The following GPR158 variants were observed in gnomAD, a reference collection of about 807,000 sequenced individuals.
The protein encoded by GPR158 is G protein-coupled receptor 158, also known as metabotropic glycine receptor.
In GPR158, 30 loss-of-function variants were observed where a neutral mutation model predicts 78.2. That is an observed-to-expected ratio of 0.38 (90% confidence interval 0.29 to 0.52). The LOEUF is 0.52. Ranked by LOEUF, GPR158 falls within the 20% of genes least tolerant of loss-of-function variation. The pLI is 0.83. For missense variants in GPR158, 1,463 were observed against 1,523.5 expected, an observed-to-expected ratio of 0.96 and a Z score of 0.66; for synonymous variants, 581 against 591.1, an observed-to-expected ratio of 0.98 and a Z score of 0.25.
chr10:25,450,100 T>G (rs907883376), intron 4 of GPR158, among the ~76,000 whole-genome samples: 1 of 151,896 alleles, frequency 6.6e-6, no homozygotes. Flanking sequence ...CCACCTTCAT[T>G]GTGTGAAAAG....
At chr10:25,218,783 AC>A in intron 1 of GPR158, among the ~76,000 whole-genome samples, 1 of 152,128 alleles carries the variant, frequency 6.6e-6, no homozygotes, top group East Asian at 1.9e-4. Context: ...TATCCTGACC[AC>A]CCTTTAAAAA....
At chr10:25,356,148 C>G (rs552309562) in intron 2 of GPR158, among the ~76,000 whole-genome samples, 1 of 152,036 alleles carries the variant, frequency 6.6e-6, no homozygotes. Context: ...ATTTTCTTGA[C>G]ATTTGGTGCC....
At chr10:25,234,723 G>T (rs1205694026) in intron 2 of GPR158, among the ~76,000 whole-genome samples, 1 of 152,236 alleles carries the variant, frequency 6.6e-6, no homozygotes, top group Non-Finnish European at 1.5e-5. Context: ...TTTAGTATTT[G>T]GTTACCAGTT....
At chr10:25,390,833 A>G (rs1834285740) in intron 2 of GPR158, among the ~76,000 whole-genome samples, 1 of 152,200 alleles carries the variant, frequency 6.6e-6, no homozygotes, top group Non-Finnish European at 1.5e-5. Context: ...AATGGTGAAA[A>G]ATGTCTGTAG....
intron 7 of GPR158, among the ~76,000 whole-genome samples, chr10:25,576,345 A>ACCCATTCC (rs1179989037): frequency 3.3e-5 from 5 of 151,968 alleles, no homozygotes; most frequent in Admixed American, 2.6e-4. Context: ...TCTGATCACA[A>ACCCATTCC]CCCATTCCTA....
At chr10:25,342,205 T>TA (rs1855312796) in intron 2 of GPR158, among the ~76,000 whole-genome samples, 1 of 151,838 alleles carries the variant, frequency 6.6e-6, no homozygotes, top group South Asian at 2.1e-4. Context: ...GAAGTATGTG[T>TA]GCTATATCTG....
At chr10:25,586,528 G>A (rs2130745311) in intron 7 of GPR158, among the ~76,000 whole-genome samples, 1 of 150,684 alleles carries the variant, frequency 6.6e-6, no homozygotes, top group Middle Eastern at 3.6e-3. Flanking sequence ...TCAGCCTCCT[G>A]AGTAGCTGGG....
At chr10:25,485,097 A>G (rs1835716492) in intron 5 of GPR158, among the ~76,000 whole-genome samples, 1 of 152,002 alleles carries the variant, frequency 6.6e-6, no homozygotes, top group Non-Finnish European at 1.5e-5. Context: ...TTGAAATATA[A>G]TTAAGAAAAT....
At chr10:25,225,269 T>C (rs1267098783) in intron 2 of GPR158, among the ~76,000 whole-genome samples, 2 of 150,850 alleles carry the variant, frequency 1.3e-5, no homozygotes, top group African/African-American at 4.9e-5. Context: ...TCAGAGAATC[T>C]TTATGGGGGA....
rs1262309705 is a variant in GPR158, at chr10:25,601,696, A to T, written c.*2422A>T. 1 of 152,610 alleles carries T rather than the reference A, an allele frequency of 6.6e-6. No homozygotes were observed. The highest frequency in any genetic ancestry group is 1.5e-5 in the Non-Finnish European group (1 of 68,034). The allele number at this position is 152,610 out of a possible 1,614,324, so 9.5% of individuals were successfully genotyped here. A position where few individuals can be genotyped will look rare whatever the true frequency, so the allele number is the denominator to read the frequency against. ...TCAACAAGAGAAGTTGAAATTTACA[A>T]GTCAGGAGGTTATTTTTCCAGATTG... On this transcript the variant is annotated 3_prime_UTR_variant, in exon 11 of 11. Transcript: ENST00000376351.
At chr10:25,572,612 T>C in intron 6 of GPR158, 37 bp from the exon 7 acceptor site, 13 of 1,247,786 alleles carry the variant, frequency 1.0e-5, no homozygotes, top group Non-Finnish European at 1.4e-5. Flanking sequence ...TTCTGAATGT[T>C]AGGTTTGCTT....
chr10:25,350,444 C>A (rs572631022), intron 2 of GPR158, among the ~76,000 whole-genome samples: 5 of 151,946 alleles, frequency 3.3e-5, no homozygotes, highest in African/African-American at 1.2e-4. Flanking sequence ...TGCTATCTTT[C>A]TTTCACTTCT....
intron 4 of GPR158, among the ~76,000 whole-genome samples, chr10:25,443,362 C>G (rs1246539680): frequency 6.6e-6 from 1 of 151,960 alleles, no homozygotes; most frequent in Non-Finnish European, 1.5e-5. Context: ...CAAGACCAGC[C>G]TGGCCAATTT....
intron 1 of GPR158, among the ~76,000 whole-genome samples, chr10:25,179,296 T>G (rs1852583730): frequency 6.6e-6 from 1 of 152,196 alleles, no homozygotes; most frequent in Non-Finnish European, 1.5e-5. Flanking sequence ...TTTGAAATAG[T>G]CTTTTAAACA....
At chr10:25,411,832 G>GC (rs1448228029) in intron 3 of GPR158, among the ~76,000 whole-genome samples, 5 of 150,420 alleles carry the variant, frequency 3.3e-5, no homozygotes, top group Non-Finnish European at 5.9e-5. Context: ...TACTCGGGAG[G>GC]CTGAGGCAGG....
chr10:25,473,351 G>T (rs2130626477), intron 5 of GPR158, among the ~76,000 whole-genome samples: 1 of 152,232 alleles, frequency 6.6e-6, no homozygotes, highest in East Asian at 1.9e-4. Context: ...GCTGGATTCG[G>T]TTCGCCAGTA....
At chr10:25,411,925 C>T (rs1363234242) in intron 3 of GPR158, among the ~76,000 whole-genome samples, 1 of 91,362 alleles carries the variant, frequency 1.1e-5, no homozygotes, top group African/African-American at 4.5e-5. Context: ...CAGAGCGAGA[C>T]TCTATCACAA....
chr10:25,373,773 C>T (rs1368398844), intron 2 of GPR158, among the ~76,000 whole-genome samples: 1 of 151,760 alleles, frequency 6.6e-6, no homozygotes. Flanking sequence ...TGTATGACTT[C>T]TAATGTGGCC....
At chr10:25,279,900 G>A (rs961805135) in intron 2 of GPR158, among the ~76,000 whole-genome samples, 1 of 151,672 alleles carries the variant, frequency 6.6e-6, no homozygotes, top group African/African-American at 2.4e-5. Context: ...TAACCACTGG[G>A]CTGTACCACT....
Sources: allele counts gnomAD v4.1 joint callset (sites outside exome capture counted in the v4.1 genomes callset), GRCh38; gene constraint gnomAD v4.1.1; transcripts MANE v1.5; gene names NCBI Gene and HGNC (gene_info 2026-07-23, HGNC 2026-07-21).